ZCCHC2: variants seen among roughly 807,000 people sequenced by gnomAD.
ZCCHC2 encodes the protein zinc finger CCHC-type containing 2.
In ZCCHC2, 39 loss-of-function variants were observed where a neutral mutation model predicts 103.6. The ratio of observed to expected loss-of-function variants is 0.38; its 90% CI spans 0.29 to 0.49. The LOEUF (loss-of-function observed/expected upper bound fraction) is 0.49, where lower values mean the gene tolerates loss of function less well. Ranked by LOEUF, ZCCHC2 falls within the 20% of genes least tolerant of loss-of-function variation. The pLI, the probability that ZCCHC2 is intolerant of heterozygous loss-of-function variation, is 0.96. For synonymous variants in ZCCHC2, 687 were observed against 608.9 expected, an observed-to-expected ratio of 1.13 and a Z score of -1.89; for missense variants, 1,483 against 1,491.0, an observed-to-expected ratio of 0.99 and a Z score of 0.09.
intron 7 of ZCCHC2, among the ~76,000 whole-genome samples, 157 bp downstream of exon 7, chr18:62,558,927 G>T (rs1295302249): frequency 6.6e-6 from 1 of 152,236 alleles, no homozygotes; most frequent in Non-Finnish European, 1.5e-5. Context: ...TAAATGGTGT[G>T]TGGAGAAAGA....
chr18:62,533,390 T>TA (rs1914780267), intron 1 of ZCCHC2, among the ~76,000 whole-genome samples: 2 of 149,614 alleles, frequency 1.3e-5, no homozygotes, highest in Non-Finnish European at 3.0e-5. Flanking sequence ...GTCGGGCGTG[T>TA]AGTGGGCGCC....
At chr18:62,560,771 CT>C in intron 8 of ZCCHC2, 127 bp downstream of exon 8, 4 of 719,340 alleles carry the variant, frequency 5.6e-6, no homozygotes, top group Non-Finnish European at 8.7e-6. Flanking sequence ...TATTTCTTCA[CT>C]TTTTCTGTTT....
At chr18:62,549,262 G>A (rs1358494080) in intron 4 of ZCCHC2, among the ~76,000 whole-genome samples, 2 of 152,114 alleles carry the variant, frequency 1.3e-5, no homozygotes, top group Non-Finnish European at 2.9e-5. Context: ...GGTGGTCAGA[G>A]GGCATGATTC....
intron 1 of ZCCHC2, among the ~76,000 whole-genome samples, chr18:62,530,883 A>C (rs963837053): frequency 6.6e-6 from 1 of 152,236 alleles, no homozygotes; most frequent in Non-Finnish European, 1.5e-5. Flanking sequence ...CTAGAAAACT[A>C]TTCTATAACT....
At chr18:62,553,103 A>G (rs1014879197) in intron 5 of ZCCHC2, among the ~76,000 whole-genome samples, 4 of 152,052 alleles carry the variant, frequency 2.6e-5, no homozygotes, top group African/African-American at 9.6e-5. Flanking sequence ...TCTGACAGCT[A>G]AAGTAGCCTA....
chr18:62,527,026 C>CCCCCCCG lies in ZCCHC2; in HGVS notation c.939+2666_939+2667insCCCGCCC, dbSNP rs56300716. 5.7e-3 allele frequency: 209 copies of CCCCCCCG among 36,536 alleles called. 5 individuals are homozygous for CCCCCCCG. The highest frequency in any genetic ancestry group is 0.029 in the Middle Eastern group (2 of 70). The allele number at this position is 36,536 out of a possible 1,614,324, so 2.3% of individuals were successfully genotyped here. ...GCAGCATTTCCCCCGCCCCCCCCCC[C>CCCCCCCG]CCCGAAAGTAACCTTTTAGACACAA... On this transcript the variant is annotated intron_variant, in intron 1 of 13. Transcript: ENST00000269499.
chr18:62,532,901 G>T (rs567549833), intron 1 of ZCCHC2, among the ~76,000 whole-genome samples: 1 of 152,202 alleles, frequency 6.6e-6, no homozygotes, highest in Admixed American at 6.5e-5. Flanking sequence ...GCTGGGCGTA[G>T]TGGTGCATGT....
intron 1 of ZCCHC2, among the ~76,000 whole-genome samples, chr18:62,533,991 A>G (rs1380042309): frequency 6.6e-6 from 1 of 152,078 alleles, no homozygotes. Flanking sequence ...AGGTACAGTT[A>G]TTTTGGAAAT....
intron 9 of ZCCHC2, among the ~76,000 whole-genome samples, chr18:62,563,396 C>A (rs967667471): frequency 2.0e-5 from 3 of 152,154 alleles, no homozygotes; most frequent in Admixed American, 2.0e-4. Context: ...CCATGGGTCA[C>A]GCTTCTAATC....
downstream of ZCCHC2, among the ~76,000 whole-genome samples, chr18:62,580,082 C>G (rs960113576): frequency 6.6e-6 from 1 of 152,174 alleles, no homozygotes; most frequent in African/African-American, 2.4e-5. Context: ...CCTAAATATA[C>G]CGTTTCTTTT....
At chr18:62,578,739 A>G (rs996161048), downstream of ZCCHC2, among the ~76,000 whole-genome samples, 2 of 152,112 alleles carry the variant, frequency 1.3e-5, no homozygotes, top group African/African-American at 2.4e-5. Flanking sequence ...GTTATTTACC[A>G]TCTGGATGCT....
At chr18:62,525,512 A>G (rs563520554) in intron 1 of ZCCHC2, 1 of 152,108 alleles carries the variant, frequency 6.6e-6, no homozygotes, top group South Asian at 2.1e-4. Context: ...AATTCAGTAT[A>G]TATATATCTG....
chr18:62,574,308 G>T lies in ZCCHC2; in HGVS notation c.2227G>T (p.Ala743Ser). Reference sequence around the variant, plus strand: ...AGTTGTCGTTCCTGCACCCAAACCCGCTGATGGCAAAACCATAGGGATGCT... The same window carrying T: ...AGTTGTCGTTCCTGCACCCAAACCCTCTGATGGCAAAACCATAGGGATGCT... ...SEVVVPAPKP[A>S]DGKTIGMLVP... Residue 743 changes from alanine to serine, a missense_variant, in exon 13 of 14, where the codon GCT (alanine) becomes TCT (serine). By Grantham distance (99) the Ala-to-Ser change is moderately conservative. Coordinates refer to ENST00000269499, the MANE Select transcript of ZCCHC2 (RefSeq NM_017742.6). 6.2e-7 allele frequency: 1 copy of T among 1,614,020 alleles called. No homozygotes were observed. The highest frequency in any genetic ancestry group is 8.5e-7 in the Non-Finnish European group (1 of 1,179,906).
chr18:62,523,465 C>T lies in ZCCHC2; in HGVS notation c.41C>T (p.Ala14Val). 1 of 1,092,556 alleles carries T rather than the reference C, an allele frequency of 9.2e-7. No individual in the cohort carries two copies. The highest frequency in any genetic ancestry group is 1.1e-6 in the Non-Finnish European group (1 of 886,738). The allele number at this position is 1,092,556 out of a possible 1,614,324, so 67.7% of individuals were successfully genotyped here. ...CTGCCGCTGAAGCCAACGCACCCCG[C>T]GGAGCCGCCGCCCGAGGCGGAGGAG... Reference protein sequence around the residue: ...MKLPLKPTHPAEPPPEAEEPE... With the variant: ...MKLPLKPTHPVEPPPEAEEPE... Residue 14 changes from alanine to valine, a missense_variant, in exon 1 of 14, where the codon GCG becomes GTG. By Grantham distance (64) the Ala-to-Val change is moderately conservative (BLOSUM62 0). Around this residue, in one of 3 missense-constraint regions of ZCCHC2, gnomAD observed 568 missense variants for 525.1 expected, o/e 1.08. Transcript: ENST00000269499.
chr18:62,572,901 T>C (rs1297857190), intron 12 of ZCCHC2, among the ~76,000 whole-genome samples: 2 of 152,186 alleles, frequency 1.3e-5, no homozygotes, highest in African/African-American at 2.4e-5. Flanking sequence ...TTTGCAAAGT[T>C]TAGCAAGAAA....
At chr18:62,579,887 CA>C (rs1213686361), downstream of ZCCHC2, among the ~76,000 whole-genome samples, 1 of 150,728 alleles carries the variant, frequency 6.6e-6, no homozygotes, top group Non-Finnish European at 1.5e-5. Context: ...CACGCCCAGC[CA>C]ATTTTTTTTT....
In ZCCHC2 at chr18:62,574,577, A is replaced by G. The variant is rs1916734441; in HGVS notation, c.2496A>G (p.Pro832=). The change falls in exon 13 of 14, where the codon CCA becomes CCG. Residue 832 remains proline, a synonymous_variant. Coordinates refer to ENST00000269499, the MANE Select transcript of ZCCHC2 (RefSeq NM_017742.6). ...CTGAGAGCTGCACAGTTAACATCCC[A>G]CAACAACCACCCGGAAGCCTGAGCA... is the stretch of plus-strand genomic sequence containing the variant. ...GSSESCTVNI[P]QQPPGSLSIA... is the part of the protein sequence containing the mutation. 6.2e-7 allele frequency: 1 copy of G among 1,613,950 alleles called. No individual in the cohort carries two copies.
At chr18:62,574,035 T>G in intron 12 of ZCCHC2, 22 bp from the exon 13 acceptor site, 1 of 1,600,020 alleles carries the variant, frequency 6.2e-7, no homozygotes, top group Non-Finnish European at 8.5e-7. Context: ...TGTTAATATC[T>G]CTTTATGTTT....
At chr18:62,553,205 T>C (rs2145510239) in intron 5 of ZCCHC2, among the ~76,000 whole-genome samples, 1 of 148,186 alleles carries the variant, frequency 6.7e-6, no homozygotes, top group African/African-American at 2.5e-5. Context: ...TGTGTGTGTA[T>C]TTCCTTTACT....
Sources: gnomAD v4.1 joint callset for allele counts (sites outside exome capture counted in the v4.1 genomes callset) on GRCh38, gnomAD v4.1.1 for gene constraint, gnomAD v4.1.1 regional missense constraint, MANE v1.5 for transcripts, NCBI Gene and HGNC (gene_info 2026-07-23, HGNC 2026-07-21) for gene names.